The following IL16 variants were observed in gnomAD, a reference collection of about 807,000 sequenced individuals.
The protein encoded by IL16 is interleukin 16, also known as pro-interleukin-16.
IL16 carries 67 observed loss-of-function variants against 110.1 expected under a neutral mutation model. The observed-to-expected ratio is 0.61, with a 90% CI of 0.50 to 0.75. The LOEUF is 0.75. Ranked by LOEUF, IL16 falls within the 30% of genes least tolerant of loss-of-function variation. The probability of loss-of-function intolerance (pLI) is 0.00; values close to 1 mark genes in which losing one functional copy is unlikely to be tolerated. For synonymous variants in IL16, 689 were observed against 662.9 expected (o/e 1.04, Z -0.61); for missense variants, 1,545 against 1,655.0 (o/e 0.93, Z 1.15).
At position 81,259,875 on chromosome 15, in the gene IL16, C is replaced by G. The variant is rs1326024808; in HGVS notation, c.416C>G (p.Ser139Ter). 1 of 1,596,170 alleles carries G rather than the reference C, an allele frequency of 6.3e-7. No individual in the cohort carries two copies. Among genetic ancestry groups the G allele is most frequent in the Admixed American group, 1.7e-5 (1 of 59,998 alleles). Residue 139 changes from serine to a stop codon, truncating the protein, a stop_gained, in exon 3 of 19, where the codon TCA becomes TGA. Transcript: ENST00000683961. LOFTEE classifies it high-confidence loss of function. ...TGCCACCAAAGGGCACGCAGCAACT[C>G]AACCAGTAAGTGTCTTCCCAACATG... is the stretch of plus-strand genomic sequence containing the variant. The part of the protein sequence containing the change: ...KACHQRARSN[S>*]TSVNPYCTRE...
rs181618897 is a variant in IL16, at chr15:81,210,050, A to G, written c.-102+12898A>G. On this transcript the variant is annotated intron_variant, in intron 1 of 18. Transcript: ENST00000683961. ...TTTGAGTTGGTTTTTGTATATGGTGAAAGGTAAGGTTCTGGTTTCATTCTT... is the reference window on the plus strand; with the variant it reads ...TTTGAGTTGGTTTTTGTATATGGTGGAAGGTAAGGTTCTGGTTTCATTCTT... Among the ~76,000 whole-genome samples the G allele has an allele frequency of 6.0e-3, 908 of 152,236 alleles. 6 individuals are homozygous for G. Among genetic ancestry groups the G allele is most frequent in the African/African-American group, 0.021 (874 of 41,542 alleles).
intron 2 of IL16, among the ~76,000 whole-genome samples, chr15:81,227,193 G>C (rs755736610): frequency 2.8e-4 from 42 of 152,078 alleles, no homozygotes; most frequent in Non-Finnish European, 5.3e-4. Flanking sequence ...ACGGGAGTGA[G>C]CAAAACAGAC....
At chr15:81,195,176 T>C (rs192039415), upstream of IL16, among the ~76,000 whole-genome samples, 4 of 151,964 alleles carry the variant, frequency 2.6e-5, no homozygotes, top group African/African-American at 9.7e-5. Flanking sequence ...CTTCGGAAAA[T>C]AGAGGGAGAG....
Position 81,313,006 on chromosome 15 carries a change from G to T in IL16, c.*4208G>T. 1 of 286,796 alleles carries T rather than the reference G, an allele frequency of 3.5e-6. No individual in the cohort carries two copies. Among genetic ancestry groups the T allele is most frequent in the Non-Finnish European group, 6.5e-6 (1 of 153,826 alleles). 17.8% of individuals were successfully genotyped at this position (286,796 alleles called of 1,614,324 possible). A position where few individuals can be genotyped will look rare whatever the true frequency, so the allele number is the denominator to read the frequency against. ...GCCTGGGTCTACCCTGCCAGGAGAGGCGTGTTTGGGTAACAGGCAGATGGA... is the reference window on the plus strand; with the variant it reads ...GCCTGGGTCTACCCTGCCAGGAGAGTCGTGTTTGGGTAACAGGCAGATGGA... On this transcript the variant is annotated 3_prime_UTR_variant, in exon 19 of 19. Coordinates refer to ENST00000683961, the MANE Select transcript of IL16 (RefSeq NM_172217.5).
In IL16 at chr15:81,269,571, G is replaced by A; in HGVS notation, c.598G>A (p.Ala200Thr). The A allele has an allele frequency of 6.2e-7, 1 of 1,614,092 alleles. No individual in the cohort carries two copies. The highest frequency in any genetic ancestry group is 2.2e-5 in the East Asian group (1 of 44,886). ...TSRPTRSLST[A>T]QLVQPSGGLQ... ...GAGACCAACACGGTCCCTGAGCACAGCTCAGCTCGTGCAGCCATCTGGGGG... is the reference window on the plus strand; with the variant it reads ...GAGACCAACACGGTCCCTGAGCACAACTCAGCTCGTGCAGCCATCTGGGGG... The change falls in exon 5 of 19, where the codon GCT becomes ACT. Residue 200 changes from alanine to threonine, a missense_variant. Ala to Thr is a moderately conservative substitution (Grantham distance 58, BLOSUM62 0). Transcript: ENST00000683961.
Position 81,306,386 on chromosome 15 carries a change from A to G in IL16, c.3680-34A>G, listed in dbSNP as rs766180463. 9 of 1,610,312 alleles carry G rather than the reference A, an allele frequency of 5.6e-6. No individual in the cohort carries two copies. The South Asian group carries it at 6.6e-5, about 12-fold the overall frequency. ...GGGCATCTGTGGCCTGGGAGAGGAG[A>G]GGATCCCTAACAGAGACCTTGTGTT... On this transcript the variant is annotated intron_variant, in intron 17 of 18. Transcript: ENST00000683961.
intron 1 of IL16, among the ~76,000 whole-genome samples, chr15:81,198,076 G>T (rs1210651360): frequency 6.6e-6 from 1 of 152,058 alleles, no homozygotes; most frequent in Non-Finnish European, 1.5e-5. Context: ...CAACATTTAC[G>T]AGCACAGTAG....
At chr15:81,204,333 G>T (rs1044965801) in intron 1 of IL16, among the ~76,000 whole-genome samples, 26 of 152,000 alleles carry the variant, frequency 1.7e-4, no homozygotes, top group Middle Eastern at 3.4e-3. Context: ...CTGCCTAATT[G>T]CCCTGGCCAG....
intron 6 of IL16, among the ~76,000 whole-genome samples, chr15:81,274,994 G>A (rs987745333): frequency 6.6e-6 from 1 of 152,022 alleles, no homozygotes; most frequent in African/African-American, 2.4e-5. Flanking sequence ...GCACAGAGGC[G>A]GTAACCCTGG....
In IL16 at chr15:81,225,252, G is replaced by T. The variant is rs781011669; in HGVS notation, c.-101-47G>T. 2.4e-5 allele frequency: 34 copies of T among 1,445,316 alleles called. 1 individual carries two copies. Among genetic ancestry groups the T allele is most frequent in the Admixed American group, 4.6e-5 (2 of 43,634 alleles). The allele number at this position is 1,445,316 out of a possible 1,614,324, so 89.5% of individuals were successfully genotyped here. A position where few individuals can be genotyped will look rare whatever the true frequency, so the allele number is the denominator to read the frequency against. On this transcript the variant is annotated intron_variant, in intron 1 of 18. Transcript: ENST00000683961. The stretch of plus-strand genomic sequence containing the variant: ...CCAGGACTCGTGTGCAGCTCCACTT[G>T]TCAGCAGCAAGTCACATTGCTTCTT...
rs186882095 is a variant in IL16 at position 81,187,052 on chromosome 15, G to A, written c.40+4156G>A. 4.1e-4 allele frequency among the ~76,000 whole-genome samples: 62 copies of A among 152,296 alleles called. 1 individual carries two copies. The East Asian group carries it at 0.011, about 27-fold the overall frequency. On this transcript the variant is annotated intron_variant, in intron 1 of 18. Coordinates refer to the IL16 transcript ENST00000302987. ...AGTAGCCCCCCTGGCTTCCTCTCTAGTAGAAAGTAGGGTGAGGATATAGGT... is the reference window on the plus strand; with the variant it reads ...AGTAGCCCCCCTGGCTTCCTCTCTAATAGAAAGTAGGGTGAGGATATAGGT...
At chr15:81,244,736 G>A (rs191328540) in intron 2 of IL16, among the ~76,000 whole-genome samples, 1 of 152,102 alleles carries the variant, frequency 6.6e-6, no homozygotes, top group Admixed American at 6.6e-5. Context: ...TCCTAAATTT[G>A]TGAAGTGCTC....
At chr15:81,248,188 C>T (rs1377555671) in intron 2 of IL16, among the ~76,000 whole-genome samples, 2 of 151,980 alleles carry the variant, frequency 1.3e-5, no homozygotes, top group Non-Finnish European at 2.9e-5. Context: ...TTGAATCTAC[C>T]TTGTCTATAA....
chr15:81,233,665 A>G (rs1393335827), intron 2 of IL16, among the ~76,000 whole-genome samples: 2 of 152,088 alleles, frequency 1.3e-5, no homozygotes, highest in Non-Finnish European at 2.9e-5. Context: ...ATGCATATAT[A>G]TATCTGTATA....
At chr15:81,232,252 A>AT (rs1227753406) in intron 2 of IL16, among the ~76,000 whole-genome samples, 1 of 151,364 alleles carries the variant, frequency 6.6e-6, no homozygotes, top group Non-Finnish European at 1.5e-5. Flanking sequence ...GTTGTTGTTT[A>AT]TTTTTCAGCA....
intron 3 of IL16, among the ~76,000 whole-genome samples, chr15:81,261,298 C>T (rs753699365): frequency 1.2e-4 from 19 of 152,364 alleles, no homozygotes; most frequent in African/African-American, 2.9e-4. Context: ...GTGCAGGCCA[C>T]GTGCCCCTGA....
intron 9 of IL16, among the ~76,000 whole-genome samples, chr15:81,284,911 C>T (rs970062677): frequency 6.6e-6 from 1 of 152,112 alleles, no homozygotes; most frequent in Non-Finnish European, 1.5e-5. Context: ...CATGCAACAC[C>T]AAAAATATTT....
chr15:81,276,733 C>A (rs1410532552), intron 6 of IL16, among the ~76,000 whole-genome samples: 1 of 152,176 alleles, frequency 6.6e-6, no homozygotes, highest in East Asian at 1.9e-4. Flanking sequence ...AGTCCCAAAC[C>A]AGTGAAAACC....
At chr15:81,237,891 AATTTTATTT>A (rs1194943938) in intron 2 of IL16, among the ~76,000 whole-genome samples, 2 of 151,110 alleles carry the variant, frequency 1.3e-5, no homozygotes, top group South Asian at 4.2e-4. Context: ...TTTATTTTTT[AATTTTATTT>A]ATTTTATTTA....
Sources: allele counts gnomAD v4.1 joint callset (sites outside exome capture counted in the v4.1 genomes callset), GRCh38; gene constraint gnomAD v4.1.1; transcripts MANE v1.5; gene names NCBI Gene and HGNC (gene_info 2026-07-23, HGNC 2026-07-21).